Variants in TRPC5 observed in about 807,000 individuals in gnomAD.
TRPC5 encodes the protein short transient receptor potential channel 5.
A neutral mutation model predicts 56.5 loss-of-function variants in TRPC5; 9 were observed. The observed-to-expected ratio is 0.16, with a 90% confidence interval of 0.10 to 0.28. TRPC5 has a LOEUF of 0.28. Among genes scored for constraint, TRPC5 ranks in the 10% least tolerant of loss-of-function variants. TRPC5 has a pLI of 1.00. For missense variants in TRPC5, 469 were observed against 748.9 expected (o/e 0.63, Z 4.36); for synonymous variants, 282 against 278.5 (o/e 1.01, Z -0.13).
intron 1 of TRPC5, among the ~76,000 whole-genome samples, chrX:112,012,368 CT>C (rs372261649): frequency 4.2e-4 from 46 of 110,293 alleles, no homozygotes; most frequent in African/African-American, 1.4e-3. Flanking sequence ...TGTCAAGTCT[CT>C]TTTTTTTTCT....
chrX:112,045,552 C>A (rs1929996233), intron 1 of TRPC5, among the ~76,000 whole-genome samples: 1 of 111,730 alleles, frequency 9.0e-6, no homozygotes, highest in East Asian at 2.8e-4. Flanking sequence ...AAATTAAAGG[C>A]CCCTGGCACA....
chrX:111,834,687 A>G (rs893261907), intron 7 of TRPC5, among the ~76,000 whole-genome samples: 1 of 112,196 alleles, frequency 8.9e-6, no homozygotes, highest in Non-Finnish European at 1.9e-5. Flanking sequence ...AATATTTTCA[A>G]TAAGTAGCTA....
intron 1 of TRPC5, among the ~76,000 whole-genome samples, chrX:111,979,796 A>T (rs1202066351): frequency 8.9e-6 from 1 of 111,822 alleles, no homozygotes; most frequent in Non-Finnish European, 1.9e-5. Flanking sequence ...ATTAAGTTAA[A>T]CCTAAAATTA....
intron 1 of TRPC5, among the ~76,000 whole-genome samples, chrX:112,053,489 T>C (rs1405593943): frequency 9.0e-6 from 1 of 111,651 alleles, no homozygotes; most frequent in South Asian, 3.8e-4. Flanking sequence ...TTCCCTTACA[T>C]TGAAAGGGCT....
chrX:111,803,715 A>T (rs1456823685), intron 7 of TRPC5, among the ~76,000 whole-genome samples: 4 of 111,012 alleles, frequency 3.6e-5, no homozygotes, highest in Admixed American at 9.6e-5. Context: ...TTTTCTTGTA[A>T]ATTTGCTTGT....
chrX:111,986,429 C>T lies in TRPC5; in HGVS notation c.-21-33988G>A, dbSNP rs1352255874. ...TCTTCTGGAGTATAGTATACCTCCT[C>T]ATGGTTTGTACCTCACTTTTAGGGG... On this transcript the variant is annotated intron_variant, in intron 1 of 10. Coordinates refer to ENST00000262839, the MANE Select transcript of TRPC5 (RefSeq NM_012471.3). Among the ~76,000 whole-genome samples, 6 of 110,405 alleles carry T rather than the reference C, an allele frequency of 5.4e-5. 1 individual carries two copies. Among genetic ancestry groups the T allele is most frequent in the South Asian group, 7.6e-4 (2 of 2,624 alleles).
chrX:111,788,312 C>A (rs1457083450), intron 7 of TRPC5, among the ~76,000 whole-genome samples: 1 of 111,651 alleles, frequency 9.0e-6, no homozygotes, highest in Non-Finnish European at 1.9e-5. Context: ...ACAACAAAAA[C>A]CACATGATTA....
At chrX:112,008,823 A>G (rs775639505) in intron 1 of TRPC5, among the ~76,000 whole-genome samples, 1 of 111,896 alleles carries the variant, frequency 8.9e-6, no homozygotes, top group African/African-American at 3.2e-5. Flanking sequence ...AATGTTTGAT[A>G]AATGAAAGAT....
At chrX:111,957,342 T>C in intron 1 of TRPC5, among the ~76,000 whole-genome samples, 1 of 112,318 alleles carries the variant, frequency 8.9e-6, no homozygotes, top group Non-Finnish European at 1.9e-5. Flanking sequence ...TAGTTTGTTT[T>C]TCATGTGTAT....
At chrX:111,793,342 T>G (rs1946037133) in intron 7 of TRPC5, among the ~76,000 whole-genome samples, 1 of 111,670 alleles carries the variant, frequency 9.0e-6, no homozygotes, top group African/African-American at 3.3e-5. Context: ...AAAAAAATAA[T>G]TACAGCTCAG....
chrX:111,834,117 C>G (rs1038219260), intron 7 of TRPC5, among the ~76,000 whole-genome samples: 1 of 111,924 alleles, frequency 8.9e-6, no homozygotes, highest in African/African-American at 3.2e-5. Flanking sequence ...TCTACTTTGA[C>G]ATAAAAAACC....
intron 1 of TRPC5, among the ~76,000 whole-genome samples, chrX:112,070,756 C>T (rs370924032): frequency 5.6e-5 from 6 of 107,687 alleles, no homozygotes; most frequent in African/African-American, 1.1e-4. Flanking sequence ...ACTGCCCCCC[C>T]CCAAAGTTAC....
At chrX:112,024,972 T>A (rs1004708309) in intron 1 of TRPC5, among the ~76,000 whole-genome samples, 1 of 112,299 alleles carries the variant, frequency 8.9e-6, no homozygotes, top group Non-Finnish European at 1.9e-5. Context: ...TCATCACTAG[T>A]ATGCAATAAT....
At chrX:111,810,506 A>C (rs190990635) in intron 7 of TRPC5, among the ~76,000 whole-genome samples, 1 of 112,373 alleles carries the variant, frequency 8.9e-6, no homozygotes, top group African/African-American at 3.2e-5. Context: ...TTTATGAAAA[A>C]TAATTATATG....
rs764927930 is a variant in TRPC5 at position 111,776,471 on chromosome X, A to G, written c.2764T>C (p.Cys922Arg). The stretch of plus-strand genomic sequence containing the variant: ...GATGCACAGTGAAGAGAGCTGGAAC[A>G]GGCTAGAGGGCATTCACTGCTCTGA... ...AAQSSECPLACSSSLHCASSI... is the reference protein window; with the variant it reads ...AAQSSECPLARSSSLHCASSI... Residue 922 changes from cysteine to arginine, a missense_variant, in exon 11 of 11, where the codon TGT becomes CGT. By Grantham distance (180) the Cys-to-Arg change is radical. Coordinates refer to ENST00000262839, the MANE Select transcript of TRPC5 (RefSeq NM_012471.3). The G allele has an allele frequency of 1.7e-6, 2 of 1,211,021 alleles. No homozygotes were observed. The highest frequency in any genetic ancestry group is 4.4e-5 in the Admixed American group (2 of 45,881).
rs77163655 is a variant in TRPC5, at chrX:112,030,216, C to A, written c.-22+51663G>T. On this transcript the variant is annotated intron_variant, in intron 1 of 10. Coordinates refer to ENST00000262839, the MANE Select transcript of TRPC5 (RefSeq NM_012471.3). ...AGAGCAGAAATGAATATTTTTTGGT[C>A]ATTGACTAAGTACTAGGCATTGTGC... 1.8e-3 allele frequency among the ~76,000 whole-genome samples: 207 copies of A among 112,591 alleles called. 1 individual carries two copies. In the East Asian group the frequency reaches 0.046, roughly 25 times the overall value.
intron 1 of TRPC5, among the ~76,000 whole-genome samples, chrX:112,034,603 T>G (rs2147721688): frequency 9.1e-6 from 1 of 110,404 alleles, no homozygotes; most frequent in South Asian, 3.8e-4. Context: ...GATTTTTTTT[T>G]TTATGTTGAA....
At chrX:111,917,574 T>C (rs1015007996) in intron 2 of TRPC5, among the ~76,000 whole-genome samples, 5 of 112,387 alleles carry the variant, frequency 4.4e-5, no homozygotes, top group Admixed American at 3.8e-4. Context: ...TTGAAGTCCC[T>C]ACTGGGAAAG....
intron 3 of TRPC5, among the ~76,000 whole-genome samples, chrX:111,857,553 G>A (rs948112000): frequency 2.7e-5 from 3 of 112,434 alleles, no homozygotes; most frequent in South Asian, 3.7e-4. Flanking sequence ...GGAGATATCC[G>A]GATTGACATC....
Sources: gnomAD v4.1 joint callset for allele counts (sites outside exome capture counted in the v4.1 genomes callset) on GRCh38, gnomAD v4.1.1 for gene constraint, MANE v1.5 for transcripts, NCBI Gene and HGNC (gene_info 2026-07-23, HGNC 2026-07-21) for gene names.